The following NALF1 variants were observed in gnomAD, a reference collection of about 807,000 sequenced individuals.
The protein encoded by NALF1 is family with sequence similarity 155 member A.
A neutral mutation model predicts 48.4 loss-of-function variants in NALF1; 3 were observed. That is an observed-to-expected ratio of 0.06 (90% CI 0.03 to 0.16). The LOEUF (loss-of-function observed/expected upper bound fraction) is 0.16, where lower values mean the gene tolerates loss of function less well. Ranked by LOEUF, NALF1 falls within the 10% of genes least tolerant of loss-of-function variation. The pLI, the probability that NALF1 is intolerant of heterozygous loss-of-function variation, is 1.00. For missense variants in NALF1, 526 were observed against 571.5 expected (o/e 0.92, Z 0.81); for synonymous variants, 262 against 245.7 (o/e 1.07, Z -0.62).
chr13:107,585,522 C>T (rs1340550798), intron 1 of NALF1, among the ~76,000 whole-genome samples: 2 of 151,946 alleles, frequency 1.3e-5, no homozygotes, highest in Admixed American at 6.6e-5. Flanking sequence ...CTGTGTTTTT[C>T]TTTTCTTAAG....
At chr13:107,458,002 C>T (rs1033746726) in intron 1 of NALF1, among the ~76,000 whole-genome samples, 2 of 146,878 alleles carry the variant, frequency 1.4e-5, no homozygotes, top group Admixed American at 6.8e-5. Flanking sequence ...TGATCTTAAT[C>T]TCTCATACTC....
chr13:107,266,936 T>A (rs1470885111), intron 1 of NALF1, among the ~76,000 whole-genome samples: 5 of 152,150 alleles, frequency 3.3e-5, no homozygotes, highest in African/African-American at 1.2e-4. Flanking sequence ...CAGCCTGGCT[T>A]GTAGTGTCTC....
chr13:107,248,616 A>G (rs1364834710), intron 1 of NALF1, among the ~76,000 whole-genome samples: 2 of 149,874 alleles, frequency 1.3e-5, no homozygotes, highest in African/African-American at 4.9e-5. Flanking sequence ...TTAAATTCAG[A>G]TTAATTCAAA....
intron 1 of NALF1, among the ~76,000 whole-genome samples, chr13:107,428,042 A>C (rs199851485): frequency 6.6e-6 from 1 of 152,164 alleles, no homozygotes; most frequent in East Asian, 1.9e-4. Flanking sequence ...TGAGGGAAGA[A>C]GCAATTGAAA....
chr13:107,237,181 G>C (rs1284611569), intron 1 of NALF1, among the ~76,000 whole-genome samples: 4 of 150,778 alleles, frequency 2.7e-5, no homozygotes, highest in African/African-American at 7.3e-5. Context: ...ATTTAGACTA[G>C]AAACTTAATT....
intron 1 of NALF1, among the ~76,000 whole-genome samples, chr13:107,365,568 T>C (rs988650428): frequency 2.6e-5 from 4 of 152,220 alleles, no homozygotes; most frequent in African/African-American, 9.6e-5. Context: ...TGGTCTTTTG[T>C]TGTTTTGATG....
At chr13:107,638,234 A>C (rs1342153370) in intron 1 of NALF1, among the ~76,000 whole-genome samples, 2 of 103,370 alleles carry the variant, frequency 1.9e-5, no homozygotes, top group Non-Finnish European at 4.4e-5. Context: ...GGGAGATATT[A>C]TTTAAGATGA....
At chr13:107,257,849 G>T (rs1005328816) in intron 1 of NALF1, among the ~76,000 whole-genome samples, 20 of 152,156 alleles carry the variant, frequency 1.3e-4, no homozygotes, top group African/African-American at 4.8e-4. Context: ...TGTGGCCTCT[G>T]CAAGTCTTTC....
intron 1 of NALF1, among the ~76,000 whole-genome samples, chr13:107,561,533 T>C (rs1280583277): frequency 3.3e-5 from 5 of 152,204 alleles, no homozygotes; most frequent in Admixed American, 2.0e-4. Flanking sequence ...ATGGTAATTC[T>C]GAATTACTCA....
chr13:107,440,218 C>G (rs759590595), intron 1 of NALF1, among the ~76,000 whole-genome samples: 19 of 152,230 alleles, frequency 1.2e-4, no homozygotes, highest in African/African-American at 4.3e-4. Context: ...CAATTAAACA[C>G]TTTGTCGACA....
chr13:107,234,089 T>G (rs760026982), intron 1 of NALF1, among the ~76,000 whole-genome samples: 1 of 152,200 alleles, frequency 6.6e-6, no homozygotes, highest in Non-Finnish European at 1.5e-5. Flanking sequence ...GAGTTTCGAA[T>G]GAGAAATTAA....
chr13:107,278,302 T>C (rs1881320084), intron 1 of NALF1, among the ~76,000 whole-genome samples: 1 of 152,246 alleles, frequency 6.6e-6, no homozygotes, highest in Non-Finnish European at 1.5e-5. Context: ...CTTTCATTTA[T>C]CGTCTGCCAA....
At position 107,409,340 on chromosome 13, in the gene NALF1, A is replaced by T. The variant is rs747629483; in HGVS notation, c.916-198585T>A. 1.6e-4 allele frequency among the ~76,000 whole-genome samples: 24 copies of T among 152,190 alleles called. No homozygotes were observed. The South Asian group carries it at 2.1e-3, about 13-fold the overall frequency. On this transcript the variant is annotated intron_variant, in intron 1 of 2. Coordinates refer to ENST00000375915, the MANE Select transcript of NALF1 (RefSeq NM_001080396.3). ...GAGTTTGTGGTCTTGGGAAGAAATT[A>T]ATCAGATCATCACAATAAATAATGC...
chr13:107,305,955 T>A (rs1881928407), intron 1 of NALF1, among the ~76,000 whole-genome samples: 1 of 152,180 alleles, frequency 6.6e-6, no homozygotes, highest in Non-Finnish European at 1.5e-5. Flanking sequence ...GGATGTAATT[T>A]TTACCTTAAA....
At chr13:107,465,236 G>T (rs1417621871) in intron 1 of NALF1, among the ~76,000 whole-genome samples, 1 of 150,802 alleles carries the variant, frequency 6.6e-6, no homozygotes, top group African/African-American at 2.4e-5. Context: ...TGGTCCCTTG[G>T]TTTATTAAAT....
At chr13:107,546,947 A>G (rs528375864) in intron 1 of NALF1, among the ~76,000 whole-genome samples, 17 of 152,302 alleles carry the variant, frequency 1.1e-4, no homozygotes, top group Admixed American at 7.2e-4. Context: ...CAACTCAACT[A>G]TTAGCTGTGT....
intron 1 of NALF1, among the ~76,000 whole-genome samples, chr13:107,694,878 T>C (rs963374809): frequency 4.6e-5 from 7 of 152,012 alleles, no homozygotes; most frequent in Admixed American, 3.9e-4. Context: ...CTGTAACCTC[T>C]GCCTCCCAGG....
At chr13:107,864,484 A>C (rs1880656887) in intron 1 of NALF1, among the ~76,000 whole-genome samples, 1 of 152,254 alleles carries the variant, frequency 6.6e-6, no homozygotes, top group South Asian at 2.1e-4. Flanking sequence ...TTTTCCCAGC[A>C]GAACGCAAGT....
At chr13:107,387,966 C>T (rs1380220043) in intron 1 of NALF1, among the ~76,000 whole-genome samples, 1 of 152,136 alleles carries the variant, frequency 6.6e-6, no homozygotes, top group African/African-American at 2.4e-5. Context: ...TACCAGTTGC[C>T]TGTCTATTGT....
Sources: allele counts gnomAD v4.1 joint callset (sites outside exome capture counted in the v4.1 genomes callset), GRCh38; gene constraint gnomAD v4.1.1; transcripts MANE v1.5; gene names NCBI Gene and HGNC (gene_info 2026-07-23, HGNC 2026-07-21).